Variants in IPO8 observed in about 807,000 individuals in gnomAD.
IPO8 encodes importin 8, also known as importin-8.
IPO8 carries 65 observed loss-of-function variants against 141.2 expected under a neutral mutation model. The observed-to-expected ratio is 0.46, with a 90% CI of 0.38 to 0.57. IPO8 has a LOEUF of 0.57. Ranked by LOEUF, IPO8 falls within the 20% of genes least tolerant of loss-of-function variation. IPO8 has a pLI of 0.00. For missense variants in IPO8, 980 were observed against 1,246.8 expected, an observed-to-expected ratio of 0.79 and a Z score of 3.22; for synonymous variants, 411 against 420.3, an observed-to-expected ratio of 0.98 and a Z score of 0.27.
chr12:30,643,583 C>T (rs1001691213), intron 20 of IPO8, among the ~76,000 whole-genome samples: 3 of 152,122 alleles, frequency 2.0e-5, no homozygotes, highest in Non-Finnish European at 4.4e-5. Flanking sequence ...TGGTAGTGGT[C>T]GACCCCTTAT....
intron 10 of IPO8, 131 bp downstream of exon 10, chr12:30,669,052 T>G: frequency 2.0e-6 from 1 of 499,110 alleles, no homozygotes; most frequent in Non-Finnish European, 3.5e-6. Flanking sequence ...ACTCTCAAAG[T>G]TTCAGATTAT....
chr12:30,647,941 C>G (rs539284148), intron 20 of IPO8, among the ~76,000 whole-genome samples: 1 of 152,282 alleles, frequency 6.6e-6, no homozygotes, highest in Non-Finnish European at 1.5e-5. Flanking sequence ...TGAGACACTA[C>G]TTCACAAATG....
intron 8 of IPO8, among the ~76,000 whole-genome samples, chr12:30,671,466 G>A (rs1565505300): frequency 6.6e-6 from 1 of 152,052 alleles, no homozygotes; most frequent in Non-Finnish European, 1.5e-5. Flanking sequence ...GAGGTCAGGA[G>A]AACGAGAGCA....
chr12:30,676,921 T>C (rs2053128548), intron 5 of IPO8: 1 of 1,532,380 alleles, frequency 6.5e-7, no homozygotes, highest in East Asian at 2.4e-5. Context: ...ACTTTCCATT[T>C]TAACCACCTT....
In IPO8 at chr12:30,650,587, C is replaced by T. The variant is rs77250929; in HGVS notation, c.2173-1355G>A. ...CACTTATTAGCTGTGTTTTTAGAAACGTTACTTAACCTCTTTTACTGTCCC... is the reference window on the plus strand; with the variant it reads ...CACTTATTAGCTGTGTTTTTAGAAATGTTACTTAACCTCTTTTACTGTCCC... On this transcript the variant is annotated intron_variant, in intron 19 of 24. Coordinates refer to ENST00000256079, the MANE Select transcript of IPO8 (RefSeq NM_006390.4). Among the ~76,000 whole-genome samples the T allele has an allele frequency of 6.7e-3, 1,013 of 152,152 alleles. 12 individuals carry two copies. Among genetic ancestry groups the T allele is most frequent in the African/African-American group, 0.024 (976 of 41,532 alleles).
chr12:30,681,375 CAG>C (rs1360068074), intron 4 of IPO8, among the ~76,000 whole-genome samples: 6 of 152,160 alleles, frequency 3.9e-5, no homozygotes. Context: ...ATCTCTATAT[CAG>C]AGTTTCCAAG....
chr12:30,694,539 C>G (rs1269885022), intron 1 of IPO8, among the ~76,000 whole-genome samples: 1 of 152,166 alleles, frequency 6.6e-6, no homozygotes, highest in Non-Finnish European at 1.5e-5. Flanking sequence ...CTTCGGGAGG[C>G]ACAGAATCAC....
At chr12:30,676,704 G>T in intron 5 of IPO8, 117 bp from the exon 6 acceptor site, 1 of 823,392 alleles carries the variant, frequency 1.2e-6, no homozygotes, top group Non-Finnish European at 2.0e-6. Context: ...AATGAAAATA[G>T]CAATCTTGTA....
At chr12:30,640,378 C>T (rs946563906) in intron 20 of IPO8, among the ~76,000 whole-genome samples, 1 of 150,124 alleles carries the variant, frequency 6.7e-6, no homozygotes, top group Non-Finnish European at 1.5e-5. Context: ...TTAAATTAAA[C>T]TTTTAAAAAA....
intron 1 of IPO8, among the ~76,000 whole-genome samples, chr12:30,693,127 T>A (rs958092501): frequency 2.6e-5 from 4 of 152,214 alleles, no homozygotes; most frequent in Non-Finnish European, 4.4e-5. Context: ...CGAGGCCATG[T>A]GAAGGATAAT....
chr12:30,640,578 C>T (rs972118212), intron 20 of IPO8, among the ~76,000 whole-genome samples: 5 of 152,232 alleles, frequency 3.3e-5, no homozygotes, highest in Admixed American at 2.6e-4. Context: ...TTTAACTCTA[C>T]GTCTACTTAT....
chr12:30,656,041 A>G lies in IPO8; in HGVS notation c.1948+643T>C, dbSNP rs930284383. Among the ~76,000 whole-genome samples, 4 of 152,122 alleles carry G rather than the reference A, an allele frequency of 2.6e-5. No individual in the cohort carries two copies. The South Asian group carries it at 6.2e-4, about 24-fold the overall frequency. ...AGGTACCATAATAGATAATAGGACA[A>G]TTAATTCATACTTTGAGACAGGATC... On this transcript the variant is annotated intron_variant, in intron 17 of 24. Transcript: ENST00000256079.
chr12:30,653,052 G>A lies in IPO8; in HGVS notation c.1989C>T (p.Thr663=), dbSNP rs1819555786. Residue 663 remains threonine (T), a synonymous_variant, in exon 18 of 25, where the codon ACC becomes ACT. Coordinates refer to ENST00000256079, the MANE Select transcript of IPO8 (RefSeq NM_006390.4). ...ACATTTGAGGGGAAATACTGTGGCA[G>A]GTTAAACTGTATGCCAGGGAAAGAA... ...EEILSLAYSL[T]CHSISPQMWQ... is the part of the protein sequence containing the mutation. 6.2e-7 allele frequency: 1 copy of A among 1,610,812 alleles called. No individual in the cohort carries two copies. The highest frequency in any genetic ancestry group is 1.7e-5 in the Admixed American group (1 of 59,648).
intron 9 of IPO8, among the ~76,000 whole-genome samples, chr12:30,670,640 C>T (rs911638548): frequency 2.6e-5 from 4 of 152,156 alleles, no homozygotes; most frequent in Non-Finnish European, 5.9e-5. Context: ...TCACAAAATA[C>T]CTCATTTAAT....
intron 8 of IPO8, among the ~76,000 whole-genome samples, chr12:30,672,572 T>C (rs2053066602): frequency 6.6e-6 from 1 of 152,198 alleles, no homozygotes; most frequent in African/African-American, 2.4e-5. Flanking sequence ...GGCATTTTTA[T>C]ATGTGTATAC....
intron 20 of IPO8, among the ~76,000 whole-genome samples, chr12:30,647,059 A>C (rs1295698761): frequency 1.3e-5 from 2 of 152,178 alleles, no homozygotes; most frequent in Non-Finnish European, 2.9e-5. Context: ...TGACCTCAAA[A>C]CTTACTACAA....
intron 2 of IPO8, among the ~76,000 whole-genome samples, chr12:30,689,671 A>G (rs962973327): frequency 2.0e-5 from 3 of 152,194 alleles, no homozygotes; most frequent in Non-Finnish European, 4.4e-5. Context: ...CTGTTCATCT[A>G]TCCTTCTACG....
At chr12:30,664,169 A>G (rs568131900) in intron 13 of IPO8, among the ~76,000 whole-genome samples, 1 of 152,324 alleles carries the variant, frequency 6.6e-6, no homozygotes, top group South Asian at 2.1e-4. Context: ...TGCATCAAAC[A>G]CAATCAACAG....
chr12:30,661,206 C>T lies in IPO8; in HGVS notation c.1816G>A (p.Val606Ile), dbSNP rs144666668. 1 of 1,595,310 alleles carries T rather than the reference C, an allele frequency of 6.3e-7. No individual in the cohort carries two copies. Among genetic ancestry groups the T allele is most frequent in the African/African-American group, 1.4e-5 (1 of 73,716 alleles). Reference sequence around the variant, plus strand: ...GTATGTAAAATTCCCATAGCCATTACTGTTTTGTCTTCAACTTCTTCATAT... The same window carrying T: ...GTATGTAAAATTCCCATAGCCATTATTGTTTTGTCTTCAACTTCTTCATAT... Reference protein sequence around the residue: ...DEYEEVEDKTVMAMGILHTID... With the variant: ...DEYEEVEDKTIMAMGILHTID... Residue 606 changes from valine (V) to isoleucine (I), a missense_variant, in exon 16 of 25, where the codon GTA (valine) becomes ATA (isoleucine). This residue lies in a region of IPO8 where 924 missense variants were observed against 1,153.9 expected (regional missense o/e 0.80). Transcript: ENST00000256079.
Sources: gnomAD v4.1 joint callset for allele counts (sites outside exome capture counted in the v4.1 genomes callset) on GRCh38, gnomAD v4.1.1 for gene constraint, gnomAD v4.1.1 regional missense constraint, MANE v1.5 for transcripts, NCBI Gene and HGNC (gene_info 2026-07-23, HGNC 2026-07-21) for gene names.